Variants in DLG1 observed in about 807,000 individuals in gnomAD.
The protein encoded by DLG1 is discs large MAGUK scaffold protein 1.
In DLG1, 42 loss-of-function variants were observed where a neutral mutation model predicts 123.4. The ratio of observed to expected loss-of-function variants is 0.34; its 90% CI spans 0.27 to 0.44. DLG1 has a LOEUF of 0.44. Among genes scored for constraint, DLG1 ranks in the 20% least tolerant of loss-of-function variants. The probability of loss-of-function intolerance (pLI) is 1.00; values close to 1 mark genes in which losing one functional copy is unlikely to be tolerated. For missense variants in DLG1, 942 were observed against 1,082.6 expected (o/e 0.87, Z 1.82); for synonymous variants, 317 against 356.2 (o/e 0.89, Z 1.24).
chr3:197,239,843 TA>T (rs3035903), intron 4 of DLG1, among the ~76,000 whole-genome samples: 101 of 133,924 alleles, frequency 7.5e-4, no homozygotes, highest in Admixed American at 9.0e-4. Context: ...ACAGAAAAGT[TA>T]AAAAAAAAAA....
chr3:197,185,651 AGT>A, intron 5 of DLG1, among the ~76,000 whole-genome samples: 1 of 152,302 alleles, frequency 6.6e-6, no homozygotes, highest in East Asian at 1.9e-4. Context: ...AGACCTGATT[AGT>A]GTGGTTTATA....
chr3:197,261,427 G>C (rs1027193605), intron 4 of DLG1, among the ~76,000 whole-genome samples: 1 of 152,194 alleles, frequency 6.6e-6, no homozygotes, highest in African/African-American at 2.4e-5. Flanking sequence ...GGGCAACAGG[G>C]TGAGATCCTG....
intron 4 of DLG1, among the ~76,000 whole-genome samples, chr3:197,219,346 C>T (rs914072123): frequency 2.0e-5 from 3 of 152,214 alleles, no homozygotes; most frequent in African/African-American, 7.2e-5. Context: ...TCTTAAACCA[C>T]ATCACCTTTA....
At chr3:197,269,448 A>G (rs1020346544) in intron 4 of DLG1, among the ~76,000 whole-genome samples, 4 of 152,166 alleles carry the variant, frequency 2.6e-5, no homozygotes, top group Admixed American at 2.6e-4. Flanking sequence ...TTACATTTCT[A>G]TCTCTATTAA....
chr3:197,285,045 A>AGC (rs34686933), intron 3 of DLG1, among the ~76,000 whole-genome samples: 5 of 148,054 alleles, frequency 3.4e-5, no homozygotes, highest in Non-Finnish European at 6.0e-5. Flanking sequence ...AAAAAAAAAA[A>AGC]AACTGGAAAT....
intron 4 of DLG1, among the ~76,000 whole-genome samples, chr3:197,205,528 G>GA (rs1057471818): frequency 6.6e-6 from 1 of 151,626 alleles, no homozygotes; most frequent in Non-Finnish European, 1.5e-5. Context: ...AAGTCAGAAG[G>GA]AAAAAAAATT....
chr3:197,276,291 C>T (rs977977256), intron 4 of DLG1, among the ~76,000 whole-genome samples: 3 of 152,210 alleles, frequency 2.0e-5, no homozygotes, highest in African/African-American at 7.2e-5. Flanking sequence ...GTGAGCATCC[C>T]TGTACAAATA....
At chr3:197,257,871 G>A (rs531443650) in intron 4 of DLG1, among the ~76,000 whole-genome samples, 1 of 152,192 alleles carries the variant, frequency 6.6e-6, no homozygotes, top group South Asian at 2.1e-4. Context: ...CAGTGATTAC[G>A]AGCCTGACAA....
chr3:197,282,676 C>A lies in DLG1; in HGVS notation c.318+3G>T. 1 of 1,537,806 alleles carries A rather than the reference C, an allele frequency of 6.5e-7. No individual in the cohort carries two copies. The highest frequency in any genetic ancestry group is 8.7e-7 in the Non-Finnish European group (1 of 1,149,094). On this transcript the variant is annotated splice_donor_region_variant and intron_variant, in intron 4 of 24. Coordinates refer to ENST00000667157, the MANE Select transcript of DLG1 (RefSeq NM_001366207.1). ...CAGCTTCAGAACACATTTTTTATCT[C>A]ACCTCTACACTAGGGCTAAGGCTGC... is the stretch of plus-strand genomic sequence containing the variant.
chr3:197,062,571 C>T (rs1422339159), intron 22 of DLG1, among the ~76,000 whole-genome samples: 1 of 152,126 alleles, frequency 6.6e-6, no homozygotes, highest in African/African-American at 2.4e-5. Flanking sequence ...TGCCTTTTTA[C>T]ACATCTTCAT....
intron 5 of DLG1, among the ~76,000 whole-genome samples, chr3:197,151,897 G>A (rs533561554): frequency 3.3e-5 from 5 of 152,206 alleles, no homozygotes; most frequent in African/African-American, 1.2e-4. Context: ...CCTTATTACC[G>A]ATGCTTGGGT....
At chr3:197,152,843 A>G (rs1242090993) in intron 5 of DLG1, among the ~76,000 whole-genome samples, 1 of 151,756 alleles carries the variant, frequency 6.6e-6, no homozygotes, top group East Asian at 1.9e-4. Flanking sequence ...CTATTTCATC[A>G]ACAAAGGATC....
chr3:197,153,606 C>T (rs1184873855), intron 5 of DLG1, among the ~76,000 whole-genome samples: 1 of 152,236 alleles, frequency 6.6e-6, no homozygotes, highest in Non-Finnish European at 1.5e-5. Context: ...CCCACCCCAA[C>T]CTCCCAGGCT....
At chr3:197,218,503 C>T (rs923130136) in intron 4 of DLG1, among the ~76,000 whole-genome samples, 2 of 152,178 alleles carry the variant, frequency 1.3e-5, no homozygotes, top group African/African-American at 4.8e-5. Context: ...CACTCTTGGA[C>T]CGTAAGTCCA....
At chr3:197,230,817 A>T (rs1013521062) in intron 4 of DLG1, among the ~76,000 whole-genome samples, 7 of 152,216 alleles carry the variant, frequency 4.6e-5, no homozygotes, top group African/African-American at 1.7e-4. Flanking sequence ...CAAGACCAGA[A>T]GTATACATCT....
At chr3:197,290,752 G>A (rs890772537) in intron 3 of DLG1, among the ~76,000 whole-genome samples, 18 of 151,990 alleles carry the variant, frequency 1.2e-4, no homozygotes, top group African/African-American at 4.3e-4. Context: ...GAAAAAGTTA[G>A]CCAGGCGTGG....
intron 4 of DLG1, among the ~76,000 whole-genome samples, chr3:197,256,296 A>G (rs1375770455): frequency 1.3e-5 from 2 of 152,280 alleles, no homozygotes; most frequent in Non-Finnish European, 2.9e-5. Flanking sequence ...CTGTAGCACT[A>G]AAGCAGCCAT....
intron 11 of DLG1, among the ~76,000 whole-genome samples, chr3:197,123,219 G>A (rs2149466072): frequency 6.6e-6 from 1 of 152,242 alleles, no homozygotes; most frequent in Middle Eastern, 3.4e-3. Context: ...ATGACCTAAG[G>A]ATAGGAAAAA....
intron 11 of DLG1, among the ~76,000 whole-genome samples, chr3:197,125,967 C>T (rs1778856912): frequency 6.7e-6 from 1 of 149,046 alleles, no homozygotes; most frequent in Admixed American, 6.8e-5. Context: ...GTAAAACTCA[C>T]TTATGTAAAA....
Sources: gnomAD v4.1 joint callset for allele counts (sites outside exome capture counted in the v4.1 genomes callset) on GRCh38, gnomAD v4.1.1 for gene constraint, MANE v1.5 for transcripts, NCBI Gene and HGNC (gene_info 2026-07-23, HGNC 2026-07-21) for gene names.